The following SGPP2 variants were observed in gnomAD, a reference collection of about 807,000 sequenced individuals.
SGPP2 encodes the protein sphingosine 1-phosphate phosphohydrolase 2.
Under a neutral mutation model 33.9 loss-of-function variants are expected in SGPP2, and 30 were observed. That is an observed-to-expected ratio of 0.89 (90% confidence interval 0.66 to 1.20). The LOEUF (loss-of-function observed/expected upper bound fraction) is 1.20. Ranked by LOEUF, SGPP2 falls within the 50% of genes most tolerant of loss-of-function variation. The pLI is 0.00. For synonymous variants in SGPP2, 233 were observed against 225.0 expected, an observed-to-expected ratio of 1.04 and a Z score of -0.32; for missense variants, 458 against 532.1, an observed-to-expected ratio of 0.86 and a Z score of 1.37.
chr2:222,521,078 C>T (rs530170006), intron 2 of SGPP2, among the ~76,000 whole-genome samples: 10 of 152,322 alleles, frequency 6.6e-5, no homozygotes, highest in African/African-American at 2.2e-4. Flanking sequence ...TATTTAAAGA[C>T]TGAAAATACC....
chr2:222,444,522 G>C (rs1697371644), intron 1 of SGPP2, among the ~76,000 whole-genome samples: 1 of 152,224 alleles, frequency 6.6e-6, no homozygotes, highest in Non-Finnish European at 1.5e-5. Context: ...CTCTGGGGTG[G>C]ATAAGCCTGC....
chr2:222,430,696 A>G (rs963874887), intron 1 of SGPP2, among the ~76,000 whole-genome samples: 1 of 152,340 alleles, frequency 6.6e-6, no homozygotes, highest in East Asian at 1.9e-4. Flanking sequence ...GGGGGAAAAA[A>G]GTAATTTTAC....
At position 222,424,763 on chromosome 2, in the gene SGPP2, C is replaced by A; in HGVS notation, c.161C>A (p.Ala54Asp). 7.1e-7 allele frequency: 1 copy of A among 1,408,630 alleles called. No homozygotes were observed. Among genetic ancestry groups the A allele is most frequent in the Non-Finnish European group, 9.2e-7 (1 of 1,083,230 alleles). 87.3% of individuals were successfully genotyped at this position (1,408,630 alleles called of 1,614,324 possible). A position where few individuals can be genotyped will look rare whatever the true frequency, so the allele number is the denominator to read the frequency against. ...RVPGVEHLPA[A>D]NGKGGEAPAN... is the part of the protein sequence containing the mutation. ...CCCGGGGTCGAGCATCTCCCCGCAG[C>A]CAACGGCAAGGGCGGCGAGGCTCCG... Residue 54 changes from alanine to aspartate, a missense_variant, in exon 1 of 5, where the codon GCC (alanine) becomes GAC (aspartate). Coordinates refer to ENST00000321276, the MANE Select transcript of SGPP2 (RefSeq NM_152386.4).
intron 1 of SGPP2, among the ~76,000 whole-genome samples, chr2:222,441,918 A>G (rs900471179): frequency 4.6e-5 from 7 of 152,222 alleles, no homozygotes; most frequent in Non-Finnish European, 7.3e-5. Context: ...GAAGTACTCC[A>G]GTAGCTTTCT....
chr2:222,441,135 C>G (rs141441916), intron 1 of SGPP2, among the ~76,000 whole-genome samples: 297 of 152,304 alleles, frequency 2.0e-3, no homozygotes, highest in Non-Finnish European at 3.8e-3. Context: ...GTAGATTCCT[C>G]TGTATTTAAA....
chr2:222,483,123 A>G (rs1309196163), intron 2 of SGPP2, among the ~76,000 whole-genome samples: 3 of 152,230 alleles, frequency 2.0e-5, no homozygotes, highest in Non-Finnish European at 4.4e-5. Flanking sequence ...TGCAGACTGA[A>G]TGCTAATATG....
intron 1 of SGPP2, chr2:222,452,367 A>T (rs1392279197): frequency 1.4e-6 from 1 of 719,356 alleles, no homozygotes; most frequent in Admixed American, 1.7e-5. Flanking sequence ...CAGTGCCCAG[A>T]GTCAAATTGA....
chr2:222,443,464 G>A (rs1429883601), intron 1 of SGPP2, among the ~76,000 whole-genome samples: 3 of 152,110 alleles, frequency 2.0e-5, no homozygotes, highest in South Asian at 4.1e-4. Flanking sequence ...ACATATAAGT[G>A]AGAACATGCA....
chr2:222,489,808 A>T (rs1331814174), intron 2 of SGPP2, among the ~76,000 whole-genome samples: 2 of 152,138 alleles, frequency 1.3e-5, no homozygotes, highest in African/African-American at 4.8e-5. Context: ...TCTACTAAAA[A>T]TACAAAATTA....
chr2:222,439,858 C>T (rs1224306190), intron 1 of SGPP2, among the ~76,000 whole-genome samples: 1 of 151,980 alleles, frequency 6.6e-6, no homozygotes, highest in African/African-American at 2.4e-5. Context: ...GTCTTGATTG[C>T]ACAAGTCTGC....
chr2:222,525,073 T>A (rs1407348713), intron 4 of SGPP2, 40 bp downstream of exon 4: 1 of 1,472,704 alleles, frequency 6.8e-7, no homozygotes, highest in Non-Finnish European at 9.4e-7. Context: ...ATTGTTTGAA[T>A]GATATTGTGG....
chr2:222,499,611 C>T (rs1698335589), intron 2 of SGPP2, among the ~76,000 whole-genome samples: 1 of 151,618 alleles, frequency 6.6e-6, no homozygotes, highest in African/African-American at 2.4e-5. Flanking sequence ...GGGGGAAACA[C>T]AAGTTGGGGC....
At chr2:222,445,954 C>T (rs1308052426) in intron 1 of SGPP2, among the ~76,000 whole-genome samples, 4 of 152,110 alleles carry the variant, frequency 2.6e-5, no homozygotes, top group Non-Finnish European at 4.4e-5. Flanking sequence ...GAGAACATTC[C>T]AGAAGGGCGG....
At chr2:222,526,202 C>A (rs1263212829) in intron 4 of SGPP2, among the ~76,000 whole-genome samples, 1 of 136,512 alleles carries the variant, frequency 7.3e-6, no homozygotes, top group Non-Finnish European at 1.7e-5. Flanking sequence ...GCTACAAAAC[C>A]CCATGATGAG....
chr2:222,512,727 C>T (rs1408959602), intron 2 of SGPP2, among the ~76,000 whole-genome samples: 1 of 152,184 alleles, frequency 6.6e-6, no homozygotes, highest in Non-Finnish European at 1.5e-5. Flanking sequence ...TGGAATCATA[C>T]AGTACGTTCC....
rs55716377 is a variant in SGPP2 at position 222,432,604 on chromosome 2, C to A, written c.219+7783C>A. Among the ~76,000 whole-genome samples, 1,281 of 152,250 alleles carry A rather than the reference C, an allele frequency of 8.4e-3. 6 individuals carry two copies. Among genetic ancestry groups the A allele is most frequent in the Non-Finnish European group, 0.014 (932 of 68,034 alleles). ...AGCAAGTCTGAATGCAAGACCCAGACATAAATGTTAGAGTTCTGACAAACC... is the reference window on the plus strand; with the variant it reads ...AGCAAGTCTGAATGCAAGACCCAGAAATAAATGTTAGAGTTCTGACAAACC... On this transcript the variant is annotated intron_variant, in intron 1 of 4. Transcript: ENST00000321276.
rs997816981 is a variant in SGPP2, at chr2:222,560,656, C to T, written c.*1758C>T. 3.3e-5 allele frequency: 5 copies of T among 151,794 alleles called. No homozygotes were observed. Among genetic ancestry groups the T allele is most frequent in the African/African-American group, 1.2e-4 (5 of 41,134 alleles). 9.4% of individuals were successfully genotyped at this position (151,794 alleles called of 1,614,324 possible). A position where few individuals can be genotyped will look rare whatever the true frequency, so the allele number is the denominator to read the frequency against. On this transcript the variant is annotated 3_prime_UTR_variant, in exon 5 of 5. Transcript: ENST00000321276. Reference sequence around the variant, plus strand: ...GCTTTATCAACCCAACACATCATCACCATGTGCATACTCTAGAAAAAAAAA... The same window carrying T: ...GCTTTATCAACCCAACACATCATCATCATGTGCATACTCTAGAAAAAAAAA...
intron 1 of SGPP2, among the ~76,000 whole-genome samples, chr2:222,462,710 C>T (rs372405666): frequency 6.6e-6 from 1 of 152,056 alleles, no homozygotes; most frequent in East Asian, 1.9e-4. Context: ...AGGAATGTTC[C>T]AGAGGATTGT....
intron 2 of SGPP2, among the ~76,000 whole-genome samples, chr2:222,495,602 A>G (rs963952435): frequency 1.3e-5 from 2 of 152,126 alleles, no homozygotes; most frequent in African/African-American, 4.8e-5. Context: ...AACCATGAAG[A>G]TAATCCTCCC....
Sources: allele counts gnomAD v4.1 joint callset (sites outside exome capture counted in the v4.1 genomes callset), GRCh38; gene constraint gnomAD v4.1.1; transcripts MANE v1.5; gene names NCBI Gene and HGNC (gene_info 2026-07-23, HGNC 2026-07-21).